The following SNTB2 variants were observed in gnomAD, a reference collection of about 807,000 sequenced individuals.
SNTB2 encodes beta-2-syntrophin.
Under a neutral mutation model 46.2 loss-of-function variants are expected in SNTB2, and 34 were observed. That is an observed-to-expected ratio of 0.74 (90% CI 0.56 to 0.98). SNTB2 has a LOEUF of 0.98. Among genes scored for constraint, SNTB2 ranks in the 50% least tolerant of loss-of-function variants. SNTB2 has a pLI of 0.00. For missense variants in SNTB2, 603 were observed against 731.4 expected (o/e 0.82, Z 2.02); for synonymous variants, 290 against 312.6 (o/e 0.93, Z 0.76).
intron 1 of SNTB2, among the ~76,000 whole-genome samples, chr16:69,234,719 T>TC (rs1567403840): frequency 1.3e-5 from 2 of 150,374 alleles, no homozygotes; most frequent in African/African-American, 5.0e-5. Flanking sequence ...TTTTTTTTTT[T>TC]CGAGACCAAG....
Position 69,307,916 on chromosome 16 carries a change from G to A in SNTB2, c.*6992G>A, listed in dbSNP as rs371768179. The stretch of plus-strand genomic sequence containing the variant: ...CTAAAGAAAATAAGGCTGACTGAAT[G>A]TTTTCCATAATTTTCACACAATAAC... On this transcript the variant is annotated 3_prime_UTR_variant, in exon 7 of 7. Transcript: ENST00000336278. 2.0e-5 allele frequency: 3 copies of A among 152,158 alleles called. No homozygotes were observed. The East Asian group carries it at 5.8e-4, about 29-fold the overall frequency. 9.4% of individuals were successfully genotyped at this position (152,158 alleles called of 1,614,324 possible). A position where few individuals can be genotyped will look rare whatever the true frequency, so the allele number is the denominator to read the frequency against.
chr16:69,201,460 C>T (rs11644226), intron 1 of SNTB2, among the ~76,000 whole-genome samples: 21,207 of 151,970 alleles, frequency 0.14, 1,590 homozygotes, highest in Middle Eastern at 0.23. Context: ...ATTAGGGAGG[C>T]GGGGACATAA....
chr16:69,231,938 A>G (rs1413826829), intron 1 of SNTB2, among the ~76,000 whole-genome samples: 1 of 152,202 alleles, frequency 6.6e-6, no homozygotes, highest in Non-Finnish European at 1.5e-5. Flanking sequence ...TTTTTACTTT[A>G]TAAATGACCA....
At chr16:69,286,951 T>C (rs142567811) in intron 5 of SNTB2, among the ~76,000 whole-genome samples, 3 of 152,192 alleles carry the variant, frequency 2.0e-5, no homozygotes, top group African/African-American at 7.2e-5. Context: ...GTTAAGAAGA[T>C]TGAAATCTAA....
intron 2 of SNTB2, among the ~76,000 whole-genome samples, chr16:69,253,181 G>C (rs982608973): frequency 4.6e-5 from 7 of 150,816 alleles, no homozygotes; most frequent in Non-Finnish European, 1.0e-4. Flanking sequence ...TTACAGGCGT[G>C]AGCCACCACA....
chr16:69,187,204 GGCC>G lies in SNTB2; in HGVS notation c.40_42del (p.Pro14del), dbSNP rs1217441355. ...GCGGCGACTGCGGCGGCTGGAGCGG[GGCC>G]GGCCATGGCGGTGTGGACGCGGGCC... On this transcript the variant is annotated inframe_deletion, in exon 1 of 7. Coordinates refer to ENST00000336278, the MANE Select transcript of SNTB2 (RefSeq NM_006750.4). The G allele has an allele frequency of 7.1e-7, 1 of 1,410,236 alleles. No individual in the cohort carries two copies. 87.4% of individuals were successfully genotyped at this position (1,410,236 alleles called of 1,614,324 possible). A position where few individuals can be genotyped will look rare whatever the true frequency, so the allele number is the denominator to read the frequency against.
Position 69,245,759 on chromosome 16 carries a change from C to T in SNTB2, c.738C>T (p.Ile246=). ...ACAGCACCAAGGACAGGAAGATCAT[C>T]CCTCTCAAAATGTGCTTTGCTGCTA... is the stretch of plus-strand genomic sequence containing the variant. ...HQNSTKDRKI[I]PLKMCFAARN... The change falls in exon 2 of 7, where the codon ATC becomes ATT. Residue 246 remains isoleucine (I), a synonymous_variant. Coordinates refer to ENST00000336278, the MANE Select transcript of SNTB2 (RefSeq NM_006750.4). 1.9e-6 allele frequency: 3 copies of T among 1,614,064 alleles called. No homozygotes were observed. Among genetic ancestry groups the T allele is most frequent in the Non-Finnish European group, 1.7e-6 (2 of 1,180,012 alleles).
rs535885397 is a variant in SNTB2, at chr16:69,291,724, TA to T, written c.1345+7486del. ...ACCCTGTCTCTAAAGAAAATAAAAA[TA>T]AAAAATAAATAAAATAAGCCTGGGC... On this transcript the variant is annotated intron_variant, in intron 5 of 6. Coordinates refer to ENST00000336278, the MANE Select transcript of SNTB2 (RefSeq NM_006750.4). Among the ~76,000 whole-genome samples, 38 of 151,832 alleles carry T rather than the reference TA, an allele frequency of 2.5e-4. 2 individuals are homozygous for T. The South Asian group carries it at 7.7e-3, about 31-fold the overall frequency.
intron 5 of SNTB2, among the ~76,000 whole-genome samples, chr16:69,286,434 T>C (rs1463779359): frequency 6.6e-6 from 1 of 152,120 alleles, no homozygotes; most frequent in African/African-American, 2.4e-5. Flanking sequence ...CTGTAATCCC[T>C]GCACTTTGGA....
At chr16:69,287,918 G>A (rs901884978) in intron 5 of SNTB2, among the ~76,000 whole-genome samples, 2 of 151,684 alleles carry the variant, frequency 1.3e-5, no homozygotes, top group African/African-American at 4.8e-5. Context: ...GTTCACGCTT[G>A]TAATTCCAGT....
chr16:69,252,146 GT>G (rs2143063552), intron 2 of SNTB2, among the ~76,000 whole-genome samples: 1 of 152,264 alleles, frequency 6.6e-6, no homozygotes, highest in East Asian at 1.9e-4. Context: ...CCAAAAATGT[GT>G]TTGGTATTAG....
intron 5 of SNTB2, among the ~76,000 whole-genome samples, chr16:69,289,879 G>T (rs895606426): frequency 6.6e-6 from 1 of 152,044 alleles, no homozygotes; most frequent in South Asian, 2.1e-4. Flanking sequence ...CTATGATTAC[G>T]TCACTGCACT....
intron 1 of SNTB2, among the ~76,000 whole-genome samples, chr16:69,221,823 A>G (rs1281073280): frequency 6.6e-6 from 1 of 152,192 alleles, no homozygotes; most frequent in Non-Finnish European, 1.5e-5. Flanking sequence ...CTCTTTGCAA[A>G]TAAGTGGTGT....
intron 1 of SNTB2, among the ~76,000 whole-genome samples, chr16:69,230,136 T>G (rs2152294784): frequency 6.6e-6 from 1 of 152,188 alleles, no homozygotes; most frequent in Admixed American, 6.5e-5. Context: ...ACAGAGCACA[T>G]GTTTATTATA....
At chr16:69,223,651 C>T (rs550131456) in intron 1 of SNTB2, among the ~76,000 whole-genome samples, 16 of 150,352 alleles carry the variant, frequency 1.1e-4, no homozygotes, top group Non-Finnish European at 1.6e-4. Context: ...TTTTTTGAGA[C>T]GGAGTCTCGC....
At chr16:69,222,896 C>T (rs1964420506) in intron 1 of SNTB2, among the ~76,000 whole-genome samples, 1 of 151,622 alleles carries the variant, frequency 6.6e-6, no homozygotes, top group South Asian at 2.1e-4. Flanking sequence ...ATTCTCCTGC[C>T]TCAGCCTCCC....
intron 1 of SNTB2, among the ~76,000 whole-genome samples, chr16:69,210,107 T>G (rs1964266141): frequency 7.1e-6 from 1 of 141,418 alleles, no homozygotes; most frequent in African/African-American, 2.6e-5. Context: ...CTCACCACCA[T>G]CCGCCTCCTG....
chr16:69,280,068 C>G (rs1036515506), intron 4 of SNTB2, among the ~76,000 whole-genome samples: 18 of 152,104 alleles, frequency 1.2e-4, no homozygotes, highest in African/African-American at 1.7e-4. Flanking sequence ...TGACTCTTAA[C>G]GAGCATGCTG....
At chr16:69,195,588 A>G (rs959581752) in intron 1 of SNTB2, among the ~76,000 whole-genome samples, 6 of 152,088 alleles carry the variant, frequency 3.9e-5, no homozygotes, top group Non-Finnish European at 5.9e-5. Flanking sequence ...CAAAGGCTCA[A>G]ATTATCTTGG....
Sources: gnomAD v4.1 joint callset for allele counts (sites outside exome capture counted in the v4.1 genomes callset) on GRCh38, gnomAD v4.1.1 for gene constraint, MANE v1.5 for transcripts, NCBI Gene and HGNC (gene_info 2026-07-23, HGNC 2026-07-21) for gene names.